The following JPH1 variants were observed in gnomAD, a reference collection of about 807,000 sequenced individuals.
JPH1 encodes junctophilin-1.
In JPH1, 12 loss-of-function variants were observed where a neutral mutation model predicts 53.6. That is an observed-to-expected ratio of 0.22 (90% CI 0.14 to 0.36). The LOEUF is 0.36. Among genes scored for constraint, JPH1 ranks in the 10% least tolerant of loss-of-function variants. JPH1 has a pLI of 1.00. For synonymous variants in JPH1, 375 were observed against 363.8 expected (o/e 1.03, Z -0.35); for missense variants, 808 against 905.5 (o/e 0.89, Z 1.38).
intron 2 of JPH1, among the ~76,000 whole-genome samples, chr8:74,262,228 C>G (rs1806415228): frequency 6.6e-6 from 1 of 152,164 alleles, no homozygotes; most frequent in Non-Finnish European, 1.5e-5. Flanking sequence ...TCTGAGTTTG[C>G]TGTTAACACC....
chr8:74,315,033 C>T lies in JPH1; in HGVS notation c.967G>A (p.Asp323Asn). ...RHGYGCTVFP[D>N]GSKEEGKYKN... ...TATTTTCCCTCTTCTTTGGAGCCGT[C>T]AGGAAACACGGTACAGCCATATCCA... is the stretch of plus-strand genomic sequence containing the variant. The change falls in exon 2 of 6, where the codon GAC becomes AAC. Residue 323 changes from aspartate to asparagine, a missense_variant. Asp to Asn is a conservative substitution (Grantham distance 23). This residue lies in a region of JPH1 where 756 missense variants were observed against 811.9 expected (regional missense o/e 0.93). Transcript: ENST00000342232. This position sits in a 1 kb window ranked among gnomAD's most constrained non-coding sequence, Gnocchi z 6.3. The T allele has an allele frequency of 6.2e-7, 1 of 1,614,212 alleles. No individual in the cohort carries two copies. Among genetic ancestry groups the T allele is most frequent in the Non-Finnish European group, 8.5e-7 (1 of 1,180,030 alleles).
Position 74,261,585 on chromosome 8 carries a change from A to C in JPH1, c.1140-2082T>G, listed in dbSNP as rs1479166097. On this transcript the variant is annotated intron_variant, in intron 2 of 5. Transcript: ENST00000342232. ...CAACTGGCTGTTGGAATAACCCCTCATGGGTGCCATTGCTGAGGTACGATG... is the reference window on the plus strand; with the variant it reads ...CAACTGGCTGTTGGAATAACCCCTCCTGGGTGCCATTGCTGAGGTACGATG... 3.9e-5 allele frequency among the ~76,000 whole-genome samples: 6 copies of C among 152,306 alleles called. No homozygotes were observed. The East Asian group carries it at 1.2e-3, about 29-fold the overall frequency.
chr8:74,273,601 C>G (rs1299842053), intron 2 of JPH1, among the ~76,000 whole-genome samples: 1 of 152,128 alleles, frequency 6.6e-6, no homozygotes, highest in Non-Finnish European at 1.5e-5. Context: ...GTACCAGGCT[C>G]CTCTGTCAAA....
chr8:74,298,364 T>C (rs1347703001), intron 2 of JPH1, among the ~76,000 whole-genome samples: 3 of 152,274 alleles, frequency 2.0e-5, no homozygotes, highest in African/African-American at 7.2e-5. Context: ...ATTTCAAGGG[T>C]GCAGTTCTTT....
intron 3 of JPH1, among the ~76,000 whole-genome samples, chr8:74,249,829 G>A (rs1805985611): frequency 6.6e-6 from 1 of 152,144 alleles, no homozygotes; most frequent in Non-Finnish European, 1.5e-5. Context: ...AGAAATGCAA[G>A]CTTAGTTAAC....
intron 2 of JPH1, among the ~76,000 whole-genome samples, chr8:74,305,124 A>G (rs1350012424): frequency 1.3e-5 from 2 of 152,264 alleles, no homozygotes; most frequent in Non-Finnish European, 2.9e-5. Flanking sequence ...GCTCCTAAAC[A>G]CAATGTTCAT....
At chr8:74,318,435 C>G (rs1239911476) in intron 1 of JPH1, among the ~76,000 whole-genome samples, 2 of 151,932 alleles carry the variant, frequency 1.3e-5, no homozygotes, top group Non-Finnish European at 2.9e-5. Flanking sequence ...TTGTGTTTTC[C>G]CAGATATTTT....
intron 2 of JPH1, among the ~76,000 whole-genome samples, chr8:74,310,697 A>C (rs751466648): frequency 6.6e-6 from 1 of 152,162 alleles, no homozygotes; most frequent in Non-Finnish European, 1.5e-5. Flanking sequence ...ACTTTCATGA[A>C]TCTTTGGGCC....
intron 2 of JPH1, among the ~76,000 whole-genome samples, chr8:74,296,046 G>A (rs1359237883): frequency 1.3e-3 from 48 of 36,630 alleles, no homozygotes; most frequent in Non-Finnish European, 1.6e-3. Flanking sequence ...ACACACACAC[G>A]GAGTATTGGG....
rs759539329 is a variant in JPH1 at position 74,314,874 on chromosome 8, T to C, written c.1126A>G (p.Ile376Val). The C allele has an allele frequency of 3.1e-6, 5 of 1,614,166 alleles. No homozygotes were observed. The highest frequency in any genetic ancestry group is 1.7e-5 in the Admixed American group (1 of 59,996). Reference sequence around the variant, plus strand: ...GCATTTACTTACCTTGAATTTGCTATTTCCACTTTGGTTCTGGCCATGGCA... The same window carrying C: ...GCATTTACTTACCTTGAATTTGCTACTTCCACTTTGGTTCTGGCCATGGCA... ...AAAMARTKVE[I>V]ANSRTAHARA... Residue 376 changes from isoleucine to valine, a missense_variant, in exon 2 of 6, where the codon ATA (isoleucine) becomes GTA (valine). By Grantham distance (29) the Ile-to-Val change is conservative (BLOSUM62 3). Around this residue, in one of 2 missense-constraint regions of JPH1, gnomAD observed 756 missense variants for 811.9 expected, o/e 0.93. Transcript: ENST00000342232.
At chr8:74,286,831 C>T (rs1030192645) in intron 2 of JPH1, among the ~76,000 whole-genome samples, 10 of 152,174 alleles carry the variant, frequency 6.6e-5, no homozygotes, top group Admixed American at 2.0e-4. Flanking sequence ...TTTGATCTTC[C>T]TAAAGTGCCT....
chr8:74,285,580 A>T (rs942968920), intron 2 of JPH1, among the ~76,000 whole-genome samples: 6 of 152,184 alleles, frequency 3.9e-5, no homozygotes, highest in Non-Finnish European at 8.8e-5. Context: ...TGACAGTAAC[A>T]CCTGAATGCA....
chr8:74,318,386 G>A (rs1293494842), intron 1 of JPH1, among the ~76,000 whole-genome samples: 2 of 152,092 alleles, frequency 1.3e-5, no homozygotes, highest in East Asian at 1.9e-4. Context: ...TATATGCTCC[G>A]AATGGGTATG....
Position 74,321,002 on chromosome 8 carries a change from C to G in JPH1, c.286G>C (p.Val96Leu). 1.2e-6 allele frequency: 2 copies of G among 1,612,818 alleles called. No homozygotes were observed. Among genetic ancestry groups the G allele is most frequent in the Non-Finnish European group, 1.7e-6 (2 of 1,179,510 alleles). Residue 96 changes from valine to leucine, a missense_variant, in exon 1 of 6, where the codon GTC (valine) becomes CTC (leucine). Physicochemically the swap from Val to Leu is conservative, Grantham distance 32 (BLOSUM62 1). Transcript: ENST00000342232. The surrounding 1 kb of genome is among the most constrained non-coding windows in gnomAD (Gnocchi z 4.3). ...WSHGFKGRYGVRQSLCTPARY... is the reference protein window; with the variant it reads ...WSHGFKGRYGLRQSLCTPARY... Reference sequence around the variant, plus strand: ...GCGGGGGTGCACAGGCTCTGCCGGACCCCGTAGCGCCCCTTGAAACCATGT... The same window carrying G: ...GCGGGGGTGCACAGGCTCTGCCGGAGCCCGTAGCGCCCCTTGAAACCATGT...
intron 4 of JPH1, among the ~76,000 whole-genome samples, chr8:74,242,960 G>A (rs571448193): frequency 5.4e-4 from 83 of 152,322 alleles, no homozygotes; most frequent in Admixed American, 1.6e-3. Flanking sequence ...TAAGAGCTGG[G>A]TAATTCAACT....
At chr8:74,274,162 C>CT (rs1806783617) in intron 2 of JPH1, among the ~76,000 whole-genome samples, 1 of 152,184 alleles carries the variant, frequency 6.6e-6, no homozygotes, top group Non-Finnish European at 1.5e-5. Context: ...ACCACACACC[C>CT]TGGCTTGACT....
chr8:74,271,212 G>A (rs1002600945), intron 2 of JPH1, among the ~76,000 whole-genome samples: 1 of 152,106 alleles, frequency 6.6e-6, no homozygotes, highest in African/African-American at 2.4e-5. Flanking sequence ...TGGGGAAGTC[G>A]ACTGAATTGG....
At chr8:74,271,730 GAAA>G (rs915220357) in intron 2 of JPH1, among the ~76,000 whole-genome samples, 1 of 152,196 alleles carries the variant, frequency 6.6e-6, no homozygotes, top group African/African-American at 2.4e-5. Flanking sequence ...ATGGCATGAA[GAAA>G]ACAGGGGCAC....
chr8:74,281,154 C>G (rs1807006841), intron 2 of JPH1, among the ~76,000 whole-genome samples: 1 of 152,200 alleles, frequency 6.6e-6, no homozygotes. Flanking sequence ...AAGTCTTAAA[C>G]AACTTAAACT....
Sources: gnomAD v4.1 joint callset for allele counts (sites outside exome capture counted in the v4.1 genomes callset) on GRCh38, gnomAD v4.1.1 for gene constraint, gnomAD v4.1.1 regional missense constraint, Gnocchi (gnomAD v3.1) non-coding constraint, MANE v1.5 for transcripts, NCBI Gene and HGNC (gene_info 2026-07-23, HGNC 2026-07-21) for gene names.